Variants in DUS2 observed in about 807,000 individuals in gnomAD.
The protein encoded by DUS2 is tRNA-dihydrouridine(20) synthase [NAD(P)+]-like.
In DUS2, 52 loss-of-function variants were observed where a neutral mutation model predicts 71.3. That is an observed-to-expected ratio of 0.73 (90% confidence interval 0.58 to 0.92). The LOEUF is 0.92. Among genes scored for constraint, DUS2 ranks in the 40% least tolerant of loss-of-function variants. DUS2 has a pLI of 0.00. For synonymous variants in DUS2, 204 were observed against 227.8 expected (o/e 0.90, Z 0.94); for missense variants, 558 against 622.6 (o/e 0.90, Z 1.10).
intron 2 of DUS2, among the ~76,000 whole-genome samples, chr16:68,035,557 A>C (rs1339882161): frequency 6.6e-6 from 1 of 151,380 alleles, no homozygotes; most frequent in Non-Finnish European, 1.5e-5. Context: ...TAATTAAATA[A>C]AATTTTTTTT....
At chr16:68,066,804 T>C (rs566653061) in intron 10 of DUS2, among the ~76,000 whole-genome samples, 168 bp downstream of exon 10, 1 of 152,308 alleles carries the variant, frequency 6.6e-6, no homozygotes, top group Admixed American at 6.5e-5. Flanking sequence ...AGGCAGACCC[T>C]GAATGGGCTT....
At chr16:68,046,077 T>TACG (rs2033696051) in intron 3 of DUS2, among the ~76,000 whole-genome samples, 1 of 152,218 alleles carries the variant, frequency 6.6e-6, no homozygotes, top group Admixed American at 6.5e-5. Flanking sequence ...TTCAGGGGTA[T>TACG]ATATGCGGAT....
At chr16:68,025,191 C>G (rs2033329088) in intron 1 of DUS2, among the ~76,000 whole-genome samples, 1 of 151,994 alleles carries the variant, frequency 6.6e-6, no homozygotes, top group South Asian at 2.1e-4. Flanking sequence ...CCAAATAGTT[C>G]CTTGGGGCCA....
rs1271863372 is a variant in DUS2, at chr16:68,028,329, T to C, written c.-19+2835T>C. Among the ~76,000 whole-genome samples the C allele has an allele frequency of 2.0e-5, 3 of 152,066 alleles. No homozygotes were observed. In the East Asian group the frequency reaches 5.8e-4, roughly 29 times the overall value. On this transcript the variant is annotated intron_variant, in intron 2 of 16. Coordinates refer to ENST00000565263, the MANE Select transcript of DUS2 (RefSeq NM_017803.5). Reference sequence around the variant, plus strand: ...AAGAGCTAGCAGATGTTTGTCGATATAACAACATAATAATAGACGTTAGAG... The same window carrying C: ...AAGAGCTAGCAGATGTTTGTCGATACAACAACATAATAATAGACGTTAGAG...
chr16:68,050,769 C>A (rs1445541083), intron 4 of DUS2, among the ~76,000 whole-genome samples: 2 of 152,130 alleles, frequency 1.3e-5, no homozygotes, highest in African/African-American at 4.8e-5. Flanking sequence ...TCTACTAGGT[C>A]ATTTGCCCAT....
At chr16:68,057,263 A>AGAAAG (rs2033874046) in intron 7 of DUS2, among the ~76,000 whole-genome samples, 1 of 144,202 alleles carries the variant, frequency 6.9e-6, no homozygotes, top group African/African-American at 2.6e-5. Flanking sequence ...GAGAGAGAGA[A>AGAAAG]AGAGAGAGAG....
At chr16:68,044,635 T>G (rs1025999314) in intron 3 of DUS2, among the ~76,000 whole-genome samples, 1 of 152,010 alleles carries the variant, frequency 6.6e-6, no homozygotes, top group Admixed American at 6.6e-5. Context: ...GATCTCAAAG[T>G]GATCCGCCTG....
At chr16:68,056,276 C>T (rs1322122181) in intron 6 of DUS2, 88 bp from the exon 7 acceptor site, 1 of 1,139,838 alleles carries the variant, frequency 8.8e-7, no homozygotes, top group Non-Finnish European at 1.3e-6. Flanking sequence ...GTAAGAGGTT[C>T]ATGAGCACAG....
chr16:68,061,314 C>T (rs2033937338), intron 8 of DUS2, among the ~76,000 whole-genome samples: 1 of 152,304 alleles, frequency 6.6e-6, no homozygotes, highest in East Asian at 1.9e-4. Context: ...CTACAGCAGC[C>T]TTGATGTTCC....
chr16:68,030,817 G>A (rs1036062136), intron 2 of DUS2, among the ~76,000 whole-genome samples: 12 of 151,762 alleles, frequency 7.9e-5, no homozygotes, highest in African/African-American at 2.2e-4. Context: ...CTGCTGCATC[G>A]AACTCTTGGA....
rs917134782 is a variant in DUS2 at position 68,079,111 on chromosome 16, G to A, written c.*125G>A. The A allele has an allele frequency of 6.4e-6, 6 of 932,872 alleles. No homozygotes were observed. In the Admixed American group the frequency reaches 1.7e-4, roughly 26 times the overall value. 57.8% of individuals were successfully genotyped at this position (932,872 alleles called of 1,614,324 possible). A position where few individuals can be genotyped will look rare whatever the true frequency, so the allele number is the denominator to read the frequency against. ...TGCCTGGCAGAAGTTAGATGTCCTG[G>A]CAGGGGCCATCAGCCTAGAGCATGG... On this transcript the variant is annotated 3_prime_UTR_variant, in exon 17 of 17. Transcript: ENST00000565263.
chr16:68,053,708 T>G, intron 5 of DUS2, 53 bp downstream of exon 5: 2 of 1,591,218 alleles, frequency 1.3e-6, no homozygotes, highest in Non-Finnish European at 1.7e-6. Flanking sequence ...CCCCTGGGAT[T>G]TCCCAACTCA....
At chr16:68,024,888 G>C (rs910500374) in intron 1 of DUS2, among the ~76,000 whole-genome samples, 1 of 150,182 alleles carries the variant, frequency 6.7e-6, no homozygotes, top group South Asian at 2.1e-4. Context: ...CTGGAGTACA[G>C]TGGTGCGATG....
chr16:68,046,812 T>C lies in DUS2; in HGVS notation c.127-2693T>C, dbSNP rs57127600. On this transcript the variant is annotated intron_variant, in intron 3 of 16. Transcript: ENST00000565263. ...CCGAGGCTGGAGTGTAGTGGCACCA[T>C]CTTGGCTCACTGCAAGCTCCGCCTG... 4.9e-3 allele frequency among the ~76,000 whole-genome samples: 742 copies of C among 152,074 alleles called. 8 individuals carry two copies. Among genetic ancestry groups the C allele is most frequent in the African/African-American group, 0.017 (703 of 41,510 alleles).
chr16:68,037,148 A>G (rs1344470231), intron 2 of DUS2, among the ~76,000 whole-genome samples: 2 of 151,412 alleles, frequency 1.3e-5, no homozygotes, highest in Non-Finnish European at 1.5e-5. Flanking sequence ...GAAAACTGCC[A>G]GAGCAGGGAT....
chr16:68,023,396 G>T (rs2033290484), intron 1 of DUS2, 45 bp downstream of exon 1: 2 of 690,882 alleles, frequency 2.9e-6, no homozygotes, highest in South Asian at 2.1e-5. Context: ...GACCCGGCCA[G>T]CCTTGGGGAA....
intron 6 of DUS2, among the ~76,000 whole-genome samples, chr16:68,055,341 C>T (rs1290023991): frequency 6.6e-6 from 1 of 151,948 alleles, no homozygotes; most frequent in Non-Finnish European, 1.5e-5. Flanking sequence ...GTGGTCCCAA[C>T]TACTTGGAAG....
intron 8 of DUS2, among the ~76,000 whole-genome samples, chr16:68,065,500 C>A (rs958380322): frequency 6.6e-6 from 1 of 151,908 alleles, no homozygotes; most frequent in African/African-American, 2.4e-5. Flanking sequence ...ACCAGCCTGG[C>A]CAACATGGTG....
At chr16:68,053,683 C>G in intron 5 of DUS2, 28 bp downstream of exon 5, 3 of 1,611,626 alleles carry the variant, frequency 1.9e-6, no homozygotes, top group Non-Finnish European at 2.5e-6. Context: ...TGCATGCCCT[C>G]CTGAGGCTCA....
Sources: gnomAD v4.1 joint callset for allele counts (sites outside exome capture counted in the v4.1 genomes callset) on GRCh38, gnomAD v4.1.1 for gene constraint, MANE v1.5 for transcripts, NCBI Gene and HGNC (gene_info 2026-07-23, HGNC 2026-07-21) for gene names.